Variants in SNTG1 observed in about 807,000 individuals in gnomAD.
The protein encoded by SNTG1 is syntrophin gamma 1.
SNTG1 carries 39 observed loss-of-function variants against 74.7 expected under a neutral mutation model. The ratio of observed to expected loss-of-function variants is 0.52; its 90% CI spans 0.40 to 0.68. SNTG1 has a LOEUF of 0.68. Among genes scored for constraint, SNTG1 ranks in the 30% least tolerant of loss-of-function variants. SNTG1 has a pLI of 0.00. For missense variants in SNTG1, 685 were observed against 609.5 expected (o/e 1.12, Z -1.30); for synonymous variants, 254 against 217.1 (o/e 1.17, Z -1.49).
At chr8:50,044,443 T>C (rs1818905819) in intron 1 of SNTG1, among the ~76,000 whole-genome samples, 1 of 152,190 alleles carries the variant, frequency 6.6e-6, no homozygotes, top group African/African-American at 2.4e-5. Flanking sequence ...TAAAATAACA[T>C]AGTTGTGATA....
intron 8 of SNTG1, among the ~76,000 whole-genome samples, chr8:50,490,288 T>A (rs925821124): frequency 4.8e-5 from 7 of 147,332 alleles, no homozygotes; most frequent in Admixed American, 1.3e-4. Context: ...TTGAACGTAG[T>A]TTTTTCTAAT....
chr8:50,372,381 C>T (rs938154679), intron 2 of SNTG1, among the ~76,000 whole-genome samples: 1 of 151,782 alleles, frequency 6.6e-6, no homozygotes, highest in Non-Finnish European at 1.5e-5. Context: ...ACAAAACCTA[C>T]TCCTTTACAT....
intron 12 of SNTG1, among the ~76,000 whole-genome samples, chr8:50,572,430 T>C (rs971418091): frequency 6.6e-6 from 1 of 152,164 alleles, no homozygotes; most frequent in African/African-American, 2.4e-5. Flanking sequence ...CATATGCTAA[T>C]CTTAAAATGA....
At chr8:50,767,143 C>A (rs1183185448) in intron 18 of SNTG1, among the ~76,000 whole-genome samples, 1 of 151,852 alleles carries the variant, frequency 6.6e-6, no homozygotes, top group African/African-American at 2.4e-5. Flanking sequence ...GAAATACTTT[C>A]AACAAAACAT....
chr8:50,616,317 T>A (rs1047280050), intron 13 of SNTG1, among the ~76,000 whole-genome samples: 2 of 152,150 alleles, frequency 1.3e-5, no homozygotes, highest in African/African-American at 4.8e-5. Context: ...GAAAGAGAAG[T>A]CGGTACTTAG....
At chr8:50,436,497 G>T (rs1306905408) in intron 4 of SNTG1, among the ~76,000 whole-genome samples, 1 of 152,000 alleles carries the variant, frequency 6.6e-6, no homozygotes, top group Non-Finnish European at 1.5e-5. Flanking sequence ...TCTACTCTAT[G>T]CCAGGGTCTT....
intron 13 of SNTG1, among the ~76,000 whole-genome samples, chr8:50,605,493 A>T (rs1399922453): frequency 1.3e-5 from 2 of 152,146 alleles, no homozygotes; most frequent in Admixed American, 6.5e-5. Context: ...GCTGAGCAAC[A>T]GTCTTTGGTC....
intron 8 of SNTG1, among the ~76,000 whole-genome samples, chr8:50,495,383 C>T (rs2093894541): frequency 1.3e-5 from 2 of 151,920 alleles, no homozygotes; most frequent in African/African-American, 4.8e-5. Flanking sequence ...TGATGTATTT[C>T]TAGCTTTTCC....
At chr8:50,665,807 C>T (rs766726795) in intron 15 of SNTG1, among the ~76,000 whole-genome samples, 20 of 152,036 alleles carry the variant, frequency 1.3e-4, no homozygotes, top group Non-Finnish European at 2.6e-4. Flanking sequence ...ACCATTAAGT[C>T]TATCTTCATA....
At chr8:50,251,026 G>A (rs931583142) in intron 2 of SNTG1, among the ~76,000 whole-genome samples, 2 of 151,736 alleles carry the variant, frequency 1.3e-5, no homozygotes, top group African/African-American at 4.8e-5. Context: ...TGCAATTAAT[G>A]ACTAAGGAAC....
At chr8:50,305,650 G>C (rs569547239) in intron 2 of SNTG1, among the ~76,000 whole-genome samples, 12 of 150,654 alleles carry the variant, frequency 8.0e-5, no homozygotes, top group Non-Finnish European at 1.8e-4. Context: ...ATATGTGTTA[G>C]ATCACTTTGT....
At chr8:50,616,140 T>A (rs1402443037) in intron 13 of SNTG1, among the ~76,000 whole-genome samples, 1 of 152,196 alleles carries the variant, frequency 6.6e-6, no homozygotes, top group East Asian at 1.9e-4. Context: ...TAAATGTTAA[T>A]CACATATACA....
intron 17 of SNTG1, among the ~76,000 whole-genome samples, chr8:50,727,760 C>T (rs1338831285): frequency 6.6e-6 from 1 of 152,180 alleles, no homozygotes; most frequent in African/African-American, 2.4e-5. Flanking sequence ...CTCACACTGT[C>T]ATCCCAAGAG....
chr8:50,518,969 C>T (rs752687293), intron 9 of SNTG1, among the ~76,000 whole-genome samples: 10 of 152,116 alleles, frequency 6.6e-5, no homozygotes, highest in Non-Finnish European at 1.3e-4. Flanking sequence ...CCATTATCAT[C>T]CTAATACTAA....
At chr8:50,263,159 C>T (rs1176453460) in intron 2 of SNTG1, among the ~76,000 whole-genome samples, 2 of 151,968 alleles carry the variant, frequency 1.3e-5, no homozygotes, top group Admixed American at 6.6e-5. Flanking sequence ...AATGTACCAC[C>T]GTGGTGGGAG....
chr8:50,205,611 C>A (rs1398586710), intron 2 of SNTG1, among the ~76,000 whole-genome samples: 3 of 152,126 alleles, frequency 2.0e-5, no homozygotes, highest in African/African-American at 7.2e-5. Context: ...GTTGCAATTG[C>A]TTTTGGTGTT....
chr8:50,494,029 T>A (rs2093881976), intron 8 of SNTG1, among the ~76,000 whole-genome samples: 1 of 151,622 alleles, frequency 6.6e-6, no homozygotes, highest in Non-Finnish European at 1.5e-5. Context: ...CCTACTTTTC[T>A]TAGAGTTTTC....
intron 2 of SNTG1, among the ~76,000 whole-genome samples, chr8:50,338,505 G>A (rs891321975): frequency 6.6e-6 from 1 of 152,202 alleles, no homozygotes; most frequent in Non-Finnish European, 1.5e-5. Flanking sequence ...ACTATATTAT[G>A]CTAAGAAGTA....
At chr8:50,236,251 T>A (rs925044717) in intron 2 of SNTG1, among the ~76,000 whole-genome samples, 39 of 152,176 alleles carry the variant, frequency 2.6e-4, no homozygotes, top group Non-Finnish European at 5.1e-4. Context: ...ATTAAGAAGA[T>A]AAAATTTTTT....
Sources: allele counts gnomAD v4.1 joint callset (sites outside exome capture counted in the v4.1 genomes callset), GRCh38; gene constraint gnomAD v4.1.1; transcripts MANE v1.5; gene names NCBI Gene and HGNC (gene_info 2026-07-23, HGNC 2026-07-21).